The following DGKI variants were observed in gnomAD, a reference collection of about 807,000 sequenced individuals.
DGKI encodes DAG kinase iota.
In DGKI, 55 loss-of-function variants were observed where a neutral mutation model predicts 147.5. The observed-to-expected ratio is 0.37, with a 90% CI of 0.30 to 0.47. The LOEUF (loss-of-function observed/expected upper bound fraction) is 0.47. DGKI is among the 20% of genes least tolerant of loss of function. The pLI is 1.00. For missense variants in DGKI, 1,007 were observed against 1,323.8 expected (o/e 0.76, Z 3.71); for synonymous variants, 469 against 477.1 (o/e 0.98, Z 0.22).
chr7:137,735,967 A>G (rs1335714502), intron 1 of DGKI, among the ~76,000 whole-genome samples: 1 of 152,118 alleles, frequency 6.6e-6, no homozygotes, highest in Non-Finnish European at 1.5e-5. Flanking sequence ...GTGAGTGTAC[A>G]TCAATGAACA....
At chr7:137,815,761 A>C (rs1375118570) in intron 1 of DGKI, among the ~76,000 whole-genome samples, 1 of 152,230 alleles carries the variant, frequency 6.6e-6, no homozygotes, top group Non-Finnish European at 1.5e-5. Context: ...TGTAGGTAGA[A>C]CAGAGAGAGA....
chr7:137,531,244 G>C (rs1394064368), intron 20 of DGKI, among the ~76,000 whole-genome samples: 1 of 152,150 alleles, frequency 6.6e-6, no homozygotes, highest in Non-Finnish European at 1.5e-5. Flanking sequence ...ATTAAGAACT[G>C]TTGGAATGGG....
intron 19 of DGKI, among the ~76,000 whole-genome samples, chr7:137,557,634 CTT>C (rs1420950673): frequency 6.6e-6 from 1 of 152,152 alleles, no homozygotes; most frequent in Non-Finnish European, 1.5e-5. Flanking sequence ...CTTCCCATCT[CTT>C]TTTCTCAATC....
At chr7:137,431,293 C>T (rs771770006) in intron 28 of DGKI, among the ~76,000 whole-genome samples, 8 of 150,010 alleles carry the variant, frequency 5.3e-5, no homozygotes, top group Admixed American at 3.3e-4. Context: ...TCTTCACTAG[C>T]GAGGGTGACA....
intron 21 of DGKI, among the ~76,000 whole-genome samples, chr7:137,513,361 A>C (rs537785275): frequency 2.0e-5 from 3 of 152,090 alleles, no homozygotes; most frequent in Non-Finnish European, 4.4e-5. Flanking sequence ...CCCTCTTCTG[A>C]ATCAAGTTCT....
intron 21 of DGKI, among the ~76,000 whole-genome samples, chr7:137,519,711 T>G (rs957703483): frequency 6.6e-6 from 1 of 152,050 alleles, no homozygotes; most frequent in African/African-American, 2.4e-5. Context: ...CTGTTTCAAG[T>G]TGGAACCAGG....
At chr7:137,789,306 T>A (rs889867) in intron 1 of DGKI, among the ~76,000 whole-genome samples, 55,834 of 151,692 alleles carry the variant, frequency 0.37, 10,933 homozygotes, top group African/African-American at 0.49. Flanking sequence ...GAGGTTTTTT[T>A]AAAAAAAATA....
chr7:137,753,863 C>T (rs1485991005), intron 1 of DGKI, among the ~76,000 whole-genome samples: 1 of 152,112 alleles, frequency 6.6e-6, no homozygotes, highest in Non-Finnish European at 1.5e-5. Context: ...TCCTACAGAG[C>T]AGCCCCAAAT....
chr7:137,425,808 G>T (rs1812778211), intron 28 of DGKI, among the ~76,000 whole-genome samples: 1 of 152,176 alleles, frequency 6.6e-6, no homozygotes, highest in Non-Finnish European at 1.5e-5. Flanking sequence ...AGTGATGGAA[G>T]ATGAAGTGAA....
chr7:137,653,298 T>C (rs1277796349), intron 5 of DGKI, among the ~76,000 whole-genome samples: 3 of 152,378 alleles, frequency 2.0e-5, no homozygotes, highest in South Asian at 4.1e-4. Context: ...ATTTCTTGCC[T>C]AGATTACTAG....
chr7:137,756,904 C>T lies in DGKI; in HGVS notation c.402-66902G>A, dbSNP rs189830805. 2.9e-3 allele frequency among the ~76,000 whole-genome samples: 442 copies of T among 152,298 alleles called. 3 individuals carry two copies. The highest frequency in any genetic ancestry group is 4.1e-3 in the Non-Finnish European group (281 of 68,024). On this transcript the variant is annotated intron_variant, in intron 1 of 32. Coordinates refer to ENST00000614521, the MANE Select transcript of DGKI (RefSeq NM_001321708.2). ...CTACCCACAATTTAATTTTCAATTT[C>T]TCATCCAGATATATTTATCTGCCTT...
At chr7:137,790,244 AC>A (rs1796810405) in intron 1 of DGKI, among the ~76,000 whole-genome samples, 1 of 149,558 alleles carries the variant, frequency 6.7e-6, no homozygotes, top group Non-Finnish European at 1.5e-5. Flanking sequence ...ACACACACAC[AC>A]ACACACACAC....
At chr7:137,401,765 T>A (rs151200862) in intron 30 of DGKI, among the ~76,000 whole-genome samples, 2 of 152,160 alleles carry the variant, frequency 1.3e-5, no homozygotes, top group Admixed American at 1.3e-4. Context: ...CCCTTCATCC[T>A]TTGGCTGACC....
intron 2 of DGKI, among the ~76,000 whole-genome samples, chr7:137,688,329 A>T (rs1823493416): frequency 3.3e-5 from 5 of 152,208 alleles, no homozygotes; most frequent in Non-Finnish European, 5.9e-5. Context: ...GAATTCATCA[A>T]TTACTTTAAC....
intron 6 of DGKI, among the ~76,000 whole-genome samples, chr7:137,636,739 G>A (rs946095971): frequency 1.3e-5 from 2 of 152,244 alleles, no homozygotes; most frequent in African/African-American, 2.4e-5. Context: ...GTGTTTGGGT[G>A]ATGGAGGCAG....
intron 29 of DGKI, among the ~76,000 whole-genome samples, chr7:137,409,555 T>A (rs1812084408): frequency 1.3e-5 from 2 of 152,078 alleles, no homozygotes; most frequent in African/African-American, 4.8e-5. Context: ...GTAAGGAACA[T>A]CCCTAAACTG....
intron 5 of DGKI, among the ~76,000 whole-genome samples, chr7:137,653,798 A>T (rs1822120988): frequency 6.6e-6 from 1 of 152,180 alleles, no homozygotes; most frequent in Non-Finnish European, 1.5e-5. Context: ...GCTTATCAGA[A>T]ATCATTTTTA....
chr7:137,720,338 A>C (rs1794510847), intron 1 of DGKI, among the ~76,000 whole-genome samples: 1 of 142,470 alleles, frequency 7.0e-6, no homozygotes, highest in South Asian at 2.2e-4. Context: ...GCTCACTGCA[A>C]GCTCCACCTC....
chr7:137,673,056 A>G (rs270903), intron 3 of DGKI, among the ~76,000 whole-genome samples: 1 of 151,834 alleles, frequency 6.6e-6, no homozygotes, highest in South Asian at 2.1e-4. Flanking sequence ...TGCTGGGATT[A>G]CAGGCATGAG....
Sources: allele counts gnomAD v4.1 joint callset (sites outside exome capture counted in the v4.1 genomes callset), GRCh38; gene constraint gnomAD v4.1.1; transcripts MANE v1.5; gene names NCBI Gene and HGNC (gene_info 2026-07-23, HGNC 2026-07-21).